Variants in ASNS observed in about 807,000 individuals in gnomAD.
ASNS encodes the protein asparagine synthetase [glutamine-hydrolyzing].
In ASNS, 37 loss-of-function variants were observed where a neutral mutation model predicts 62.6. The observed-to-expected ratio is 0.59, with a 90% confidence interval of 0.45 to 0.78. The LOEUF (loss-of-function observed/expected upper bound fraction) is 0.78. ASNS is among the 30% of genes least tolerant of loss of function. The probability of loss-of-function intolerance (pLI) is 0.00; values close to 1 mark genes in which losing one functional copy is unlikely to be tolerated. For synonymous variants in ASNS, 207 were observed against 237.9 expected, an observed-to-expected ratio of 0.87 and a Z score of 1.19; for missense variants, 520 against 682.4, an observed-to-expected ratio of 0.76 and a Z score of 2.65.
the ASNS span, among the ~76,000 whole-genome samples, chr7:97,887,570 C>T: frequency 1.3e-5 from 2 of 152,146 alleles, no homozygotes; most frequent in South Asian, 2.1e-4. Context: ...TTCAATTGTG[C>T]TCGCTCACTC....
At chr7:97,926,838 C>T in the ASNS span, among the ~76,000 whole-genome samples, 1 of 152,080 alleles carries the variant, frequency 6.6e-6, no homozygotes, top group South Asian at 2.1e-4. Context: ...ATCAACATAT[C>T]ATCATTTTAG....
the ASNS span, among the ~76,000 whole-genome samples, chr7:97,882,818 A>T: frequency 6.6e-6 from 1 of 152,204 alleles, no homozygotes; most frequent in Non-Finnish European, 1.5e-5. Context: ...CTGTGGATGA[A>T]AAACATGGCT....
chr7:97,904,284 T>TCACACACACACACACA, the ASNS span, among the ~76,000 whole-genome samples: 27 of 135,168 alleles, frequency 2.0e-4, no homozygotes, highest in East Asian at 4.6e-3. Context: ...ACTACCAGTT[T>TCACACACACACACACA]CACACACACA....
chr7:97,876,671 C>G (rs1185919911), upstream of ASNS, among the ~76,000 whole-genome samples: 1 of 151,968 alleles, frequency 6.6e-6, no homozygotes, highest in Admixed American at 6.6e-5. Context: ...CATGATCCAC[C>G]CACCTCAGCC....
chr7:97,904,557 G>A, the ASNS span, among the ~76,000 whole-genome samples: 263 of 152,140 alleles, frequency 1.7e-3, 3 homozygotes, highest in Non-Finnish European at 2.2e-3. Flanking sequence ...GAATGCTAGA[G>A]AGTCTTGTAC....
the ASNS span, among the ~76,000 whole-genome samples, chr7:97,889,927 C>A: frequency 3.7e-3 from 142 of 38,548 alleles, no homozygotes; most frequent in East Asian, 0.011. Context: ...ATAATGAATA[C>A]AAAAAAAAAA....
the ASNS span, among the ~76,000 whole-genome samples, chr7:97,907,164 C>T: frequency 1.3e-5 from 2 of 152,156 alleles, no homozygotes; most frequent in Admixed American, 6.5e-5. Context: ...CAAATCCTTC[C>T]CTTATTTCAA....
chr7:97,919,677 T>C, the ASNS span, among the ~76,000 whole-genome samples: 1 of 151,760 alleles, frequency 6.6e-6, no homozygotes, highest in African/African-American at 2.4e-5. Flanking sequence ...TCCAGGAGGA[T>C]GGTCTGAGGG....
the ASNS span, among the ~76,000 whole-genome samples, chr7:97,919,352 C>A: frequency 6.6e-6 from 1 of 152,144 alleles, no homozygotes; most frequent in African/African-American, 2.4e-5. Context: ...CTGGCCCACC[C>A]GCCTTGGCCT....
chr7:97,860,660 A>G (rs1205944645), intron 4 of ASNS, among the ~76,000 whole-genome samples: 3 of 152,206 alleles, frequency 2.0e-5, no homozygotes, highest in Non-Finnish European at 4.4e-5. Flanking sequence ...GAAAGAATTT[A>G]AAGAATGGCA....
chr7:97,864,637 T>C, intron 3 of ASNS, 141 bp from the exon 4 acceptor site: 1 of 664,506 alleles, frequency 1.5e-6, no homozygotes, highest in Middle Eastern at 3.5e-4. Flanking sequence ...ACAGCATTAT[T>C]AAACTATGGT....
At chr7:97,860,781 G>A (rs2115675220) in intron 4 of ASNS, among the ~76,000 whole-genome samples, 1 of 152,312 alleles carries the variant, frequency 6.6e-6, no homozygotes, top group East Asian at 1.9e-4. Context: ...TGATTTGCAA[G>A]TATTTTCTTC....
chr7:97,855,297 A>G (rs1414241371), intron 9 of ASNS, 56 bp downstream of exon 9: 6 of 1,260,930 alleles, frequency 4.8e-6, no homozygotes, highest in Non-Finnish European at 6.9e-6. Context: ...AAATAGTCAA[A>G]CAATTCATAC....
the ASNS span, among the ~76,000 whole-genome samples, chr7:97,890,773 A>G: frequency 6.6e-6 from 1 of 152,182 alleles, no homozygotes; most frequent in Admixed American, 6.5e-5. Flanking sequence ...ATAATAAAAG[A>G]GAAAAAAGTA....
At chr7:97,854,500 T>G in intron 10 of ASNS, 80 bp downstream of exon 10, 1 of 1,533,978 alleles carries the variant, frequency 6.5e-7, no homozygotes, top group Non-Finnish European at 8.8e-7. Context: ...TTTTATTTTC[T>G]CAGGGTATTG....
chr7:97,890,392 G>A, the ASNS span, among the ~76,000 whole-genome samples: 1 of 152,098 alleles, frequency 6.6e-6, no homozygotes, highest in African/African-American at 2.4e-5. Context: ...TTGTAAAATT[G>A]TCAAAAGACA....
chr7:97,916,388 G>A, the ASNS span, among the ~76,000 whole-genome samples: 2 of 151,992 alleles, frequency 1.3e-5, no homozygotes, highest in Non-Finnish European at 2.9e-5. Context: ...TCTCAAAAAA[G>A]AAAGAAAGAA....
At chr7:97,891,479 C>T in the ASNS span, among the ~76,000 whole-genome samples, 2 of 152,238 alleles carry the variant, frequency 1.3e-5, no homozygotes, top group Non-Finnish European at 2.9e-5. Flanking sequence ...TCAGCATTAA[C>T]TCAAAAGTCC....
At chr7:97,869,398 C>T (rs1168846792) in intron 2 of ASNS, among the ~76,000 whole-genome samples, 2 of 152,160 alleles carry the variant, frequency 1.3e-5, no homozygotes, top group Non-Finnish European at 2.9e-5. Flanking sequence ...TACATTCAAC[C>T]GGCTACAGCA....
Sources: allele counts gnomAD v4.1 joint callset (sites outside exome capture counted in the v4.1 genomes callset), GRCh38; gene constraint gnomAD v4.1.1; transcripts MANE v1.5; gene names NCBI Gene and HGNC (gene_info 2026-07-23, HGNC 2026-07-21).